Variants in ST13 observed in about 807,000 individuals in gnomAD.
ST13 encodes ST13 Hsp70 interacting protein.
Under a neutral mutation model 56.7 loss-of-function variants are expected in ST13, and 23 were observed. The ratio of observed to expected loss-of-function variants is 0.41; its 90% confidence interval spans 0.29 to 0.57. The LOEUF is 0.57. Among genes scored for constraint, ST13 ranks in the 20% least tolerant of loss-of-function variants. The pLI is 0.36. For synonymous variants in ST13, 132 were observed against 142.4 expected, an observed-to-expected ratio of 0.93 and a Z score of 0.52; for missense variants, 369 against 459.9, an observed-to-expected ratio of 0.80 and a Z score of 1.81.
chr22:40,827,193 C>G lies in ST13; in HGVS notation c.884G>C (p.Gly295Ala). 6.2e-7 allele frequency: 1 copy of G among 1,613,442 alleles called. No individual in the cohort carries two copies. Among genetic ancestry groups the G allele is most frequent in the Non-Finnish European group, 8.5e-7 (1 of 1,179,982 alleles). Reference protein sequence around the residue: ...FPGGMPGNFPGGMPGMGGGMP... With the variant: ...FPGGMPGNFPAGMPGMGGGMP... Reference sequence around the variant, plus strand: ...GCCCCCTCCCATTCCAGGCATTCCTCCGGGAAAATTACCAGGCATTCCCCC... The same window carrying G: ...GCCCCCTCCCATTCCAGGCATTCCTGCGGGAAAATTACCAGGCATTCCCCC... Residue 295 changes from glycine (G) to alanine (A), a missense_variant, in exon 11 of 12, where the codon GGA (glycine) becomes GCA (alanine). Gly to Ala is a moderately conservative substitution (Grantham distance 60). Transcript: ENST00000216218.
rs1316469325 is a variant in ST13, at chr22:40,840,664, T to A, written c.344A>T (p.Asn115Ile). Residue 115 changes from asparagine to isoleucine, a missense_variant, in exon 5 of 12, where the codon AAT becomes ATT. Coordinates refer to ENST00000216218, the MANE Select transcript of ST13 (RefSeq NM_003932.5). ...TTCAATAGCAGCCACTTTTTTATCATTTGCCTGATCCATCATCTCCTCCGT... is the reference window on the plus strand; with the variant it reads ...TTCAATAGCAGCCACTTTTTTATCAATTGCCTGATCCATCATCTCCTCCGT... The part of the protein sequence containing the change: ...EITEEMMDQA[N>I]DKKVAAIEAL... The A allele has an allele frequency of 1.2e-6, 2 of 1,610,704 alleles. No homozygotes were observed. Among genetic ancestry groups the A allele is most frequent in the Non-Finnish European group, 8.5e-7 (1 of 1,179,342 alleles).
In ST13 at chr22:40,825,192, G is replaced by A. The variant is rs2057721884; in HGVS notation, c.*1346C>T. On this transcript the variant is annotated 3_prime_UTR_variant, in exon 12 of 12. Coordinates refer to ENST00000216218, the MANE Select transcript of ST13 (RefSeq NM_003932.5). ...GGGGAGGGAAAGAAAGCAAGCAGAGGTGGGGATATAGTTACACTATTTAAG... is the reference window on the plus strand; with the variant it reads ...GGGGAGGGAAAGAAAGCAAGCAGAGATGGGGATATAGTTACACTATTTAAG... The A allele has an allele frequency of 6.6e-6, 1 of 151,994 alleles. No homozygotes were observed. The highest frequency in any genetic ancestry group is 2.4e-5 in the African/African-American group (1 of 41,364). The allele number at this position is 151,994 out of a possible 1,614,324, so 9.4% of individuals were successfully genotyped here. A position where few individuals can be genotyped will look rare whatever the true frequency, so the allele number is the denominator to read the frequency against.
At position 40,848,284 on chromosome 22, in the gene ST13, G is replaced by A. The variant is rs374565224; in HGVS notation, c.244+10C>T. The A allele has an allele frequency of 1.9e-5, 30 of 1,602,134 alleles. No individual in the cohort carries two copies. The African/African-American group carries it at 2.4e-4, about 13-fold the overall frequency. On this transcript the variant is annotated intron_variant, in intron 3 of 11. Transcript: ENST00000216218. ...GGTTTTCAAATACAAACTAACTACC[G>A]TCTCCTCACCTAGATCACTTTCCTC...
chr22:40,828,174 A>G (rs1026220428), intron 10 of ST13, among the ~76,000 whole-genome samples: 1 of 152,232 alleles, frequency 6.6e-6, no homozygotes, highest in East Asian at 1.9e-4. Flanking sequence ...TTCTTTACAG[A>G]GAATAATGCT....
rs1364801856 is a variant in ST13 at position 40,848,301 on chromosome 22, A to G, written c.237T>C (p.Ser79=). The change falls in exon 3 of 12, where the codon AGT becomes AGC. Residue 79 remains serine, a synonymous_variant. Coordinates refer to ENST00000216218, the MANE Select transcript of ST13 (RefSeq NM_003932.5). ...TAACTACCGTCTCCTCACCTAGATC[A>G]CTTTCCTCACTTGATGGTTCGTCTG... ...LKADEPSSEE[S]DLEIDKEGVI... 2 of 1,612,168 alleles carry G rather than the reference A, an allele frequency of 1.2e-6. No individual in the cohort carries two copies. Among genetic ancestry groups the G allele is most frequent in the Non-Finnish European group, 8.5e-7 (1 of 1,178,462 alleles).
chr22:40,833,488 C>T (rs1008845735), intron 7 of ST13, among the ~76,000 whole-genome samples: 33 of 151,218 alleles, frequency 2.2e-4, no homozygotes, highest in Admixed American at 2.2e-3. Context: ...TGGCATGAAC[C>T]CAGGAGGCAG....
rs148186652 is a variant in ST13 at position 40,830,902 on chromosome 22, C to T, written c.736G>A (p.Glu246Lys). The change falls in exon 9 of 12, where the codon GAG becomes AAG. Residue 246 changes from glutamate to lysine, a missense_variant. By Grantham distance (56) the Glu-to-Lys change is moderately conservative. This residue lies in a region of ST13 where 136 missense variants were observed against 159.2 expected (regional missense o/e 0.85). Coordinates refer to ENST00000216218, the MANE Select transcript of ST13 (RefSeq NM_003932.5). ...RKYERKREER[E>K]IKERIERVKK... ...ACTCGTTCTATTCTTTCTTTGATCT[C>T]TCGCTCTTCACGTTTTCGCTCATAC... 39 of 1,606,014 alleles carry T rather than the reference C, an allele frequency of 2.4e-5. No individual in the cohort carries two copies. The highest frequency in any genetic ancestry group is 3.1e-5 in the Non-Finnish European group (36 of 1,179,690).
intron 3 of ST13, among the ~76,000 whole-genome samples, chr22:40,846,304 C>T (rs1361238221): frequency 1.3e-5 from 2 of 152,156 alleles, no homozygotes; most frequent in East Asian, 3.8e-4. Flanking sequence ...TCTCACCCAT[C>T]ATATTAATAA....
chr22:40,848,169 C>G, intron 3 of ST13, 125 bp downstream of exon 3: 1 of 641,406 alleles, frequency 1.6e-6, no homozygotes, highest in South Asian at 2.0e-5. Flanking sequence ...ACTACTAGAA[C>G]ATTCTAAGTT....
At chr22:40,853,587 T>C (rs941063838) in intron 1 of ST13, among the ~76,000 whole-genome samples, 1 of 152,220 alleles carries the variant, frequency 6.6e-6, no homozygotes, top group Non-Finnish European at 1.5e-5. Flanking sequence ...TTTTCTCACA[T>C]AGGACCACAT....
At chr22:40,841,212 A>C (rs546993444) in intron 4 of ST13, among the ~76,000 whole-genome samples, 56 of 151,856 alleles carry the variant, frequency 3.7e-4, no homozygotes, top group African/African-American at 1.4e-3. Context: ...AGAAAAAAAA[A>C]AAAAAAAACA....
chr22:40,832,235 C>T, intron 8 of ST13: 2 of 477,048 alleles, frequency 4.2e-6, no homozygotes, highest in South Asian at 3.1e-5. Context: ...AATAAGGACA[C>T]ATCAGATTCA....
chr22:40,835,392 TAC>T, intron 7 of ST13, 166 bp downstream of exon 7: 1 of 494,040 alleles, frequency 2.0e-6, no homozygotes, highest in Non-Finnish European at 3.7e-6. Context: ...TTTTTTCTTT[TAC>T]CTTTTAAGCA....
At chr22:40,856,326 G>A (rs1340095963) in intron 1 of ST13, 105 bp downstream of exon 1, 2 of 974,932 alleles carry the variant, frequency 2.1e-6, no homozygotes, top group African/African-American at 1.6e-5. Flanking sequence ...GGCAAAGAAG[G>A]GGCAGCGACC....
At chr22:40,841,133 T>C (rs1056983935) in intron 4 of ST13, among the ~76,000 whole-genome samples, 2 of 139,256 alleles carry the variant, frequency 1.4e-5, no homozygotes, top group Middle Eastern at 4.1e-3. Context: ...GCTGACAGTA[T>C]AAAGATTAGT....
At position 40,846,042 on chromosome 22, in the gene ST13, T is replaced by C. The variant is rs991505309; in HGVS notation, c.245-1133A>G. ...ACCTCTGCCTCCCAGGTTCAAGCAA[T>C]TGTCCTGCGTCAGTCTCCCAGGTAG... On this transcript the variant is annotated intron_variant, in intron 3 of 11. Coordinates refer to ENST00000216218, the MANE Select transcript of ST13 (RefSeq NM_003932.5). 4.6e-5 allele frequency among the ~76,000 whole-genome samples: 7 copies of C among 152,282 alleles called. No homozygotes were observed. In the South Asian group the frequency reaches 1.0e-3, roughly 23 times the overall value.
chr22:40,834,554 G>A (rs80071413), intron 7 of ST13, among the ~76,000 whole-genome samples: 2 of 151,916 alleles, frequency 1.3e-5, no homozygotes, highest in East Asian at 3.9e-4. Context: ...CTAAATTCAT[G>A]ATTTTTAAAA....
rs2057732159 is a variant in ST13, at chr22:40,827,119, G to T, written c.958C>A (p.Pro320Thr). Residue 320 changes from proline (P) to threonine (T), a missense_variant, in exon 11 of 12, where the codon CCA becomes ACA. Physicochemically the swap from Pro to Thr is conservative, Grantham distance 38 (BLOSUM62 -1). Transcript: ENST00000216218. ...ACCTGCATGGCTGCAAGAACCTCTG[G>T]ATCACTAAGAATTTCATTGAGTCCA... Reference protein sequence around the residue: ...MPGLNEILSDPEVLAAMQDPE... With the variant: ...MPGLNEILSDTEVLAAMQDPE... The T allele has an allele frequency of 6.2e-7, 1 of 1,611,864 alleles. No individual in the cohort carries two copies. Among genetic ancestry groups the T allele is most frequent in the African/African-American group, 1.3e-5 (1 of 74,842 alleles).
In ST13 at chr22:40,826,530, G is replaced by C. The variant is rs754709867; in HGVS notation, c.*8C>G. 3 of 1,597,234 alleles carry C rather than the reference G, an allele frequency of 1.9e-6. No homozygotes were observed. Among genetic ancestry groups the C allele is most frequent in the East Asian group, 2.2e-5 (1 of 44,866 alleles). On this transcript the variant is annotated 3_prime_UTR_variant, in exon 12 of 12. Coordinates refer to ENST00000216218, the MANE Select transcript of ST13 (RefSeq NM_003932.5). The stretch of plus-strand genomic sequence containing the variant: ...CCTTCAGCAAGGGCTTTATTTATCA[G>C]AAGGACATTACGCTTGACCTCCAAA...
Sources: gnomAD v4.1 joint callset for allele counts (sites outside exome capture counted in the v4.1 genomes callset) on GRCh38, gnomAD v4.1.1 for gene constraint, gnomAD v4.1.1 regional missense constraint, MANE v1.5 for transcripts, NCBI Gene and HGNC (gene_info 2026-07-23, HGNC 2026-07-21) for gene names.